Variants in CLCA2 observed in about 807,000 individuals in gnomAD.
CLCA2 encodes calcium-activated chloride channel regulator 2.
Under a neutral mutation model 82.9 loss-of-function variants are expected in CLCA2, and 85 were observed. The observed-to-expected ratio is 1.03, with a 90% confidence interval of 0.86 to 1.23. The LOEUF is 1.23. Among genes scored for constraint, CLCA2 ranks in the 50% most tolerant of loss-of-function variants. The probability of loss-of-function intolerance (pLI) is 0.00; values close to 1 mark genes in which losing one functional copy is unlikely to be tolerated. For missense variants in CLCA2, 1,089 were observed against 1,124.8 expected (o/e 0.97, Z 0.45); for synonymous variants, 421 against 391.7 (o/e 1.07, Z -0.88).
rs1662673006 is a variant in CLCA2, at chr1:86,439,071, A to G, written c.1168A>G (p.Ile390Val). The G allele has an allele frequency of 1.5e-5, 25 of 1,614,014 alleles. No homozygotes were observed. The highest frequency in any genetic ancestry group is 2.0e-5 in the Non-Finnish European group (24 of 1,179,986). The change falls in exon 7 of 14, where the codon ATC becomes GTC. Residue 390 changes from isoleucine (I) to valine (V), a missense_variant. Physicochemically the swap from Ile to Val is conservative, Grantham distance 29. Transcript: ENST00000370565. ...LPTTVSAKTD[I>V]SICSGLKKGF... is the part of the protein sequence containing the mutation. ...CACCACTGTATCAGCTAAAACAGAC[A>G]TCAGCATTTGTTCAGGGCTTAAGAA...
rs1663047969 is a variant in CLCA2, at chr1:86,455,082, C to A, written c.2390-3C>A. The A allele has an allele frequency of 6.8e-7, 1 of 1,468,948 alleles. No homozygotes were observed. The allele number at this position is 1,468,948 out of a possible 1,614,324, so 91.0% of individuals were successfully genotyped here. ...TTTTCCTATTTATATTTTTTAATTT[C>A]AGCTACAAGCTATGAAATAAGAATG... On this transcript the variant is annotated splice_region_variant and splice_polypyrimidine_tract_variant and intron_variant, in intron 13 of 13. Coordinates refer to ENST00000370565, the MANE Select transcript of CLCA2 (RefSeq NM_006536.7).
chr1:86,449,785 A>C (rs1662925225), intron 11 of CLCA2, among the ~76,000 whole-genome samples: 1 of 152,206 alleles, frequency 6.6e-6, no homozygotes, highest in African/African-American at 2.4e-5. Context: ...GAATGGCAAA[A>C]GTGATCTATA....
At position 86,450,718 on chromosome 1, in the gene CLCA2, GGT is replaced by G. The variant is rs1662946829; in HGVS notation, c.2141_2142del (p.Gly714ValfsTer6). ...IPGSHAMYVP[G>X]YTANGNIQMN... ...AGGGAGTCATGCTATGTATGTACCAGGTTACACAGCAAACGGTAAGAACCATT... is the reference window on the plus strand; with the variant it reads ...AGGGAGTCATGCTATGTATGTACCAGTACACAGCAAACGGTAAGAACCATT... On this transcript the variant is annotated frameshift_variant, in exon 12 of 14. Transcript: ENST00000370565. LOFTEE classifies it high-confidence loss of function. 4.4e-6 allele frequency: 7 copies of G among 1,602,212 alleles called. No individual in the cohort carries two copies. The highest frequency in any genetic ancestry group is 6.0e-6 in the Non-Finnish European group (7 of 1,174,314).
chr1:86,438,296 A>G (rs78463970), intron 6 of CLCA2, among the ~76,000 whole-genome samples: 6,727 of 152,254 alleles, frequency 0.044, 207 homozygotes, highest in East Asian at 0.1. Flanking sequence ...ATTACTTTAC[A>G]CCTGGTTAGC....
At chr1:86,438,024 A>C (rs965444356) in intron 6 of CLCA2, among the ~76,000 whole-genome samples, 2 of 152,238 alleles carry the variant, frequency 1.3e-5, no homozygotes, top group Non-Finnish European at 2.9e-5. Context: ...ATTAGAATTC[A>C]AAGTGTAGAG....
At position 86,430,947 on chromosome 1, in the gene CLCA2, G is replaced by A. The variant is rs1175547977; in HGVS notation, c.561G>A (p.Gly187=). ...YNNDKPFYIN[G]QNQIKVTRCS... ...ATGACAAACCTTTCTACATAAATGG[G>A]CAAAATCAAATTAAAGTGACAAGGT... Residue 187 remains glycine, a synonymous_variant, in exon 4 of 14, where the codon GGG becomes GGA. Coordinates refer to ENST00000370565, the MANE Select transcript of CLCA2 (RefSeq NM_006536.7). The A allele has an allele frequency of 6.2e-7, 1 of 1,611,326 alleles. No homozygotes were observed. Among genetic ancestry groups the A allele is most frequent in the Admixed American group, 1.7e-5 (1 of 59,684 alleles).
chr1:86,432,433 A>G lies in CLCA2; in HGVS notation c.649A>G (p.Ile217Val), dbSNP rs749951948. ...AGGTCCTTGCCCCCAAGAAAACTGT[A>G]TTATTAGTAAGCTTTTTAAAGAAGG... is the stretch of plus-strand genomic sequence containing the variant. Reference protein sequence around the residue: ...EKGPCPQENCIISKLFKEGCT... With the variant: ...EKGPCPQENCVISKLFKEGCT... The change falls in exon 5 of 14, where the codon ATT (isoleucine) becomes GTT (valine). Residue 217 changes from isoleucine to valine, a missense_variant. By Grantham distance (29) the Ile-to-Val change is conservative. Coordinates refer to ENST00000370565, the MANE Select transcript of CLCA2 (RefSeq NM_006536.7). 1.9e-6 allele frequency: 3 copies of G among 1,614,052 alleles called. No individual in the cohort carries two copies. The highest frequency in any genetic ancestry group is 1.7e-6 in the Non-Finnish European group (2 of 1,179,966).
intron 6 of CLCA2, among the ~76,000 whole-genome samples, chr1:86,435,854 C>A (rs769014926): frequency 2.0e-5 from 3 of 151,828 alleles, no homozygotes; most frequent in Non-Finnish European, 2.9e-5. Flanking sequence ...ATTATCTATG[C>A]CCAGGGTCAG....
In CLCA2 at chr1:86,455,576, C is replaced by T. The variant is rs779452210; in HGVS notation, c.*49C>T. On this transcript the variant is annotated 3_prime_UTR_variant, in exon 14 of 14. Transcript: ENST00000370565. ...TCTTAGATATAAGACCCATGGCCTT[C>T]GACTACAAAAACATACTAACAAAGT... is the stretch of plus-strand genomic sequence containing the variant. The T allele has an allele frequency of 2.0e-5, 24 of 1,230,476 alleles. No individual in the cohort carries two copies. The highest frequency in any genetic ancestry group is 6.2e-5 in the African/African-American group (4 of 64,716). The allele number at this position is 1,230,476 out of a possible 1,614,324, so 76.2% of individuals were successfully genotyped here. A position where few individuals can be genotyped will look rare whatever the true frequency, so the allele number is the denominator to read the frequency against.
intron 1 of CLCA2, among the ~76,000 whole-genome samples, chr1:86,424,770 G>C (rs948290641): frequency 2.6e-5 from 4 of 152,166 alleles, no homozygotes; most frequent in Admixed American, 1.3e-4. Flanking sequence ...ATATTTAACT[G>C]ATGAATAAGC....
At chr1:86,437,510 A>T (rs551645545) in intron 6 of CLCA2, among the ~76,000 whole-genome samples, 1 of 152,204 alleles carries the variant, frequency 6.6e-6, no homozygotes, top group African/African-American at 2.4e-5. Context: ...AGGTTGGGTG[A>T]TGTAAGGAAA....
At chr1:86,427,106 G>C (rs1263296662) in intron 2 of CLCA2, among the ~76,000 whole-genome samples, 3 of 152,164 alleles carry the variant, frequency 2.0e-5, no homozygotes, top group African/African-American at 7.2e-5. Context: ...CAGCAAGGTA[G>C]TTCCTGTCCT....
intron 3 of CLCA2, among the ~76,000 whole-genome samples, chr1:86,429,379 AG>A (rs1469978264): frequency 6.6e-6 from 1 of 152,262 alleles, no homozygotes; most frequent in Non-Finnish European, 1.5e-5. Context: ...CTGCTGCAGA[AG>A]GAAAGGCAAG....
intron 10 of CLCA2, among the ~76,000 whole-genome samples, chr1:86,445,725 A>G (rs1438508560): frequency 9.2e-5 from 14 of 152,120 alleles, no homozygotes; most frequent in African/African-American, 3.4e-4. Context: ...AGAGCATGTA[A>G]GATTTTCTGC....
chr1:86,440,113 C>T, intron 7 of CLCA2, 35 bp from the exon 8 acceptor site: 1 of 1,600,806 alleles, frequency 6.2e-7, no homozygotes, highest in Non-Finnish European at 8.5e-7. Flanking sequence ...ATTTGAACTA[C>T]ACTTCCTTCC....
chr1:86,432,301 G>C, intron 4 of CLCA2, 68 bp from the exon 5 acceptor site: 1 of 1,543,842 alleles, frequency 6.5e-7, no homozygotes, highest in East Asian at 2.2e-5. Context: ...AATTATATAA[G>C]CTAGTCAACA....
rs1001745550 is a variant in CLCA2 at position 86,453,635 on chromosome 1, A to G, written c.2389+33A>G. 7 of 1,560,870 alleles carry G rather than the reference A, an allele frequency of 4.5e-6. No homozygotes were observed. The African/African-American group carries it at 5.4e-5, about 12-fold the overall frequency. ...TGCTCATTTCATTACCTATTTTTCCATAAGACAGCATTTCTAATAACTAGG... is the reference window on the plus strand; with the variant it reads ...TGCTCATTTCATTACCTATTTTTCCGTAAGACAGCATTTCTAATAACTAGG... On this transcript the variant is annotated intron_variant, in intron 13 of 13. Transcript: ENST00000370565.
At chr1:86,439,758 G>T (rs1379410841) in intron 7 of CLCA2, among the ~76,000 whole-genome samples, 2 of 152,002 alleles carry the variant, frequency 1.3e-5, no homozygotes, top group African/African-American at 4.8e-5. Context: ...TAATTGATCT[G>T]GGATGTGACC....
intron 9 of CLCA2, 103 bp from the exon 10 acceptor site, chr1:86,443,684 A>G: frequency 1.1e-6 from 1 of 870,350 alleles, no homozygotes; most frequent in East Asian, 2.7e-5. Context: ...TCAGAATTAA[A>G]TTATTTTTAT....
Sources: allele counts gnomAD v4.1 joint callset (sites outside exome capture counted in the v4.1 genomes callset), GRCh38; gene constraint gnomAD v4.1.1; transcripts MANE v1.5; gene names NCBI Gene and HGNC (gene_info 2026-07-23, HGNC 2026-07-21).